Variants in DHX15 observed in about 807,000 individuals in gnomAD.
DHX15 encodes DEAH-box helicase 15, also known as ATP-dependent RNA helicase DHX15.
Under a neutral mutation model 94.4 loss-of-function variants are expected in DHX15, and 11 were observed. The ratio of observed to expected loss-of-function variants is 0.12; its 90% CI spans 0.07 to 0.19. DHX15 has a LOEUF of 0.19. Ranked by LOEUF, DHX15 falls within the 10% of genes least tolerant of loss-of-function variation. The pLI is 1.00. For missense variants in DHX15, 304 were observed against 988.5 expected, an observed-to-expected ratio of 0.31 and a Z score of 9.29; for synonymous variants, 338 against 329.9, an observed-to-expected ratio of 1.02 and a Z score of -0.27.
intron 1 of DHX15, among the ~76,000 whole-genome samples, chr4:24,583,485 C>A (rs1321499943): frequency 6.8e-6 from 1 of 146,238 alleles, no homozygotes; most frequent in Non-Finnish European, 1.5e-5. Context: ...AAAAAAAAAA[C>A]AATGCCTTCT....
At chr4:24,569,371 T>A (rs1398895788) in intron 3 of DHX15, among the ~76,000 whole-genome samples, 1 of 151,808 alleles carries the variant, frequency 6.6e-6, no homozygotes, top group Non-Finnish European at 1.5e-5. Flanking sequence ...GGCGGGCGGA[T>A]CATGAGGTCA....
chr4:24,543,109 C>A (rs1469223543), intron 6 of DHX15, 83 bp from the exon 7 acceptor site: 1 of 890,604 alleles, frequency 1.1e-6, no homozygotes, highest in Non-Finnish European at 1.7e-6. Flanking sequence ...CTAACTTTCA[C>A]TGACACAAGG....
At chr4:24,567,018 T>G (rs946478107) in intron 3 of DHX15, among the ~76,000 whole-genome samples, 5 of 152,158 alleles carry the variant, frequency 3.3e-5, no homozygotes, top group Non-Finnish European at 7.3e-5. Flanking sequence ...GCCCAACACA[T>G]AGAAGGTACT....
chr4:24,550,815 C>CT (rs1479021439), intron 5 of DHX15, among the ~76,000 whole-genome samples: 1 of 152,128 alleles, frequency 6.6e-6, no homozygotes, highest in Non-Finnish European at 1.5e-5. Context: ...TAACAATGTC[C>CT]TATTATCATT....
intron 3 of DHX15, among the ~76,000 whole-genome samples, chr4:24,564,085 A>C (rs75776183): frequency 2.2e-5 from 3 of 134,848 alleles, no homozygotes; most frequent in Non-Finnish European, 4.9e-5. Context: ...AAAAAAAAAA[A>C]AGCATGAGGC....
intron 1 of DHX15, among the ~76,000 whole-genome samples, chr4:24,583,031 A>T (rs1722453477): frequency 6.6e-6 from 1 of 152,232 alleles, no homozygotes; most frequent in Admixed American, 6.5e-5. Flanking sequence ...ATACTCTACA[A>T]TGACACTAAA....
chr4:24,584,516 G>A lies in DHX15; in HGVS notation c.-123C>T. 1 of 984,726 alleles carries A rather than the reference G, an allele frequency of 1.0e-6. No homozygotes were observed. The highest frequency in any genetic ancestry group is 1.4e-6 in the Non-Finnish European group (1 of 689,884). The allele number at this position is 984,726 out of a possible 1,614,324, so 61.0% of individuals were successfully genotyped here. ...CTCCCGCTACTACAGCCCACACGGT[G>A]CGGCCGGAACCAACAGCTAAAATGG... On this transcript the variant is annotated 5_prime_UTR_variant, in exon 1 of 14. Coordinates refer to ENST00000336812, the MANE Select transcript of DHX15 (RefSeq NM_001358.3).
At chr4:24,574,936 A>G (rs1279439691) in intron 2 of DHX15, among the ~76,000 whole-genome samples, 1 of 152,180 alleles carries the variant, frequency 6.6e-6, no homozygotes, top group Non-Finnish European at 1.5e-5. Context: ...AAAATTGGCA[A>G]GGCTAAGGCA....
intron 2 of DHX15, 120 bp downstream of exon 2, chr4:24,576,123 C>T: frequency 1.3e-6 from 1 of 745,956 alleles, no homozygotes; most frequent in African/African-American, 1.8e-5. Context: ...AACATCAAAT[C>T]AGCTATTCTT....
chr4:24,564,114 G>C (rs1721945679), intron 3 of DHX15, among the ~76,000 whole-genome samples: 1 of 149,010 alleles, frequency 6.7e-6, no homozygotes, highest in African/African-American at 2.5e-5. Context: ...GTATAGAACA[G>C]GAAATAAAAG....
intron 3 of DHX15, among the ~76,000 whole-genome samples, chr4:24,562,706 T>C (rs1210113389): frequency 6.6e-6 from 1 of 152,142 alleles, no homozygotes; most frequent in Non-Finnish European, 1.5e-5. Flanking sequence ...CATAATCCTG[T>C]CTCCATCAGT....
intron 3 of DHX15, among the ~76,000 whole-genome samples, chr4:24,561,015 C>T (rs1169372397): frequency 1.3e-5 from 2 of 152,134 alleles, no homozygotes; most frequent in African/African-American, 2.4e-5. Flanking sequence ...CTATGGAGGG[C>T]AATCTGCCAA....
At chr4:24,573,014 G>A (rs1334257623) in intron 2 of DHX15, among the ~76,000 whole-genome samples, 1 of 152,156 alleles carries the variant, frequency 6.6e-6, no homozygotes, top group East Asian at 1.9e-4. Context: ...GGGTTCAAGT[G>A]ATTCTCCTGC....
At chr4:24,548,060 G>A (rs1721493839) in intron 6 of DHX15, among the ~76,000 whole-genome samples, 1 of 147,968 alleles carries the variant, frequency 6.8e-6, no homozygotes, top group East Asian at 2.0e-4. Context: ...AAATAATCTT[G>A]TTCCTGTCCG....
intron 1 of DHX15, among the ~76,000 whole-genome samples, chr4:24,582,354 CT>C (rs1217167632): frequency 6.6e-6 from 1 of 152,166 alleles, no homozygotes; most frequent in African/African-American, 2.4e-5. Context: ...AAAAGTCAAC[CT>C]TTTTACTAAG....
At chr4:24,573,790 C>T (rs6821982) in intron 2 of DHX15, among the ~76,000 whole-genome samples, 151,797 of 152,336 alleles carry the variant, frequency 1, 75,635 homozygotes, top group Middle Eastern at 1. Context: ...GCTCAACATG[C>T]GTCCTTGCTC....
At position 24,576,442 on chromosome 4, in the gene DHX15, G is replaced by A. The variant is rs1390375046; in HGVS notation, c.308C>T (p.Ala103Val). 1.9e-6 allele frequency: 3 copies of A among 1,614,202 alleles called. No individual in the cohort carries two copies. The highest frequency in any genetic ancestry group is 2.5e-6 in the Non-Finnish European group (3 of 1,180,034). Residue 103 changes from alanine to valine, a missense_variant, in exon 2 of 14, where the codon GCC (alanine) becomes GTC (valine). By Grantham distance (64) the Ala-to-Val change is moderately conservative (BLOSUM62 0). Around this residue, in one of 9 missense-constraint regions of DHX15, gnomAD observed 143 missense variants for 200.5 expected, o/e 0.71. Transcript: ENST00000336812. ...AAGTGACGTGTGACCTGCATGTCCG[G>A]CATGCGTTGAATGAGCAGAATGTGT... ...HSTHSAHSTH[A>V]GHAGHTSLPQ...
chr4:24,562,018 C>T (rs1332786023), intron 3 of DHX15, among the ~76,000 whole-genome samples: 1 of 150,724 alleles, frequency 6.6e-6, no homozygotes, highest in Non-Finnish European at 1.5e-5. Context: ...GTAGCCCCAG[C>T]TACTTGGGAG....
At chr4:24,553,578 AGCCTG>A (rs1231602266) in intron 5 of DHX15, among the ~76,000 whole-genome samples, 1 of 151,526 alleles carries the variant, frequency 6.6e-6, no homozygotes, top group Non-Finnish European at 1.5e-5. Flanking sequence ...GTTCGAGACT[AGCCTG>A]GCCAACATAG....
Sources: gnomAD v4.1 joint callset for allele counts (sites outside exome capture counted in the v4.1 genomes callset) on GRCh38, gnomAD v4.1.1 for gene constraint, gnomAD v4.1.1 regional missense constraint, MANE v1.5 for transcripts, NCBI Gene and HGNC (gene_info 2026-07-23, HGNC 2026-07-21) for gene names.